Variants in GLS observed in about 807,000 individuals in gnomAD.
The protein encoded by GLS is glutaminase kidney isoform, mitochondrial.
Under a neutral mutation model 86.7 loss-of-function variants are expected in GLS, and 36 were observed. The observed-to-expected ratio is 0.42, with a 90% CI of 0.32 to 0.55. The LOEUF (loss-of-function observed/expected upper bound fraction) is 0.55, where lower values mean the gene tolerates loss of function less well. Among genes scored for constraint, GLS ranks in the 20% least tolerant of loss-of-function variants. GLS has a pLI of 0.17. For missense variants in GLS, 528 were observed against 833.4 expected (o/e 0.63, Z 4.51); for synonymous variants, 317 against 305.9 (o/e 1.04, Z -0.38).
At chr2:190,882,887 TTTAATCTCATC>T (rs1179268278) in intron 1 of GLS, among the ~76,000 whole-genome samples, 4 of 152,224 alleles carry the variant, frequency 2.6e-5, no homozygotes, top group South Asian at 2.1e-4. Flanking sequence ...AGAATGATAA[TTTAATCTCATC>T]TGGGACTCAC....
chr2:190,887,326 T>TCTGACCCC (rs1407944873), intron 1 of GLS, among the ~76,000 whole-genome samples: 3 of 152,150 alleles, frequency 2.0e-5, no homozygotes, highest in Admixed American at 2.0e-4. Context: ...TTAGTGATTT[T>TCTGACCCC]CTGACCCCCT....
chr2:190,882,181 TC>T (rs1688225967), intron 1 of GLS: 1 of 152,098 alleles, frequency 6.6e-6, no homozygotes, highest in South Asian at 2.1e-4. Context: ...TGTCAGGTCT[TC>T]CGTGAGATGG....
At position 190,923,962 on chromosome 2, in the gene GLS, A is replaced by C. The variant is rs1350653930; in HGVS notation, c.1176A>C (p.Gly392=). 1 of 1,514,968 alleles carries C rather than the reference A, an allele frequency of 6.6e-7. No homozygotes were observed. Among genetic ancestry groups the C allele is most frequent in the Admixed American group, 1.8e-5 (1 of 54,862 alleles). 93.8% of individuals were successfully genotyped at this position (1,514,968 alleles called of 1,614,324 possible). A position where few individuals can be genotyped will look rare whatever the true frequency, so the allele number is the denominator to read the frequency against. ...RESGDRNFAI[G]YYLKEKKCFP... is the part of the protein sequence containing the mutation. Reference sequence around the variant, plus strand: ...GTGGAGATCGAAATTTTGCAATAGGATATTACTTAAAAGAAAAGAAGGTTT... The same window carrying C: ...GTGGAGATCGAAATTTTGCAATAGGCTATTACTTAAAAGAAAAGAAGGTTT... Residue 392 remains glycine (G), a synonymous_variant, in exon 10 of 18, where the codon GGA becomes GGC. Coordinates refer to ENST00000320717, the MANE Select transcript of GLS (RefSeq NM_014905.5).
Position 190,949,098 on chromosome 2 carries a change from T to C in GLS, c.1651-4467T>C, listed in dbSNP as rs1347794308. 2.6e-5 allele frequency among the ~76,000 whole-genome samples: 4 copies of C among 151,204 alleles called. No individual in the cohort carries two copies. Among genetic ancestry groups the C allele is most frequent in the Non-Finnish European group, 5.9e-5 (4 of 68,012 alleles). ...AGGAATCTGGGTGTTCTTAAGAGCA[T>C]AGACACCAAGACAAAAACAAGGGCA... is the stretch of plus-strand genomic sequence containing the variant. On this transcript the variant is annotated intron_variant, in intron 14 of 17. Transcript: ENST00000320717. The surrounding 1 kb of genome is among the most constrained non-coding windows in gnomAD (Gnocchi z 4.0).
In GLS at chr2:190,954,867, G is replaced by A. The variant is rs970112344; in HGVS notation, c.1853+49G>A. On this transcript the variant is annotated intron_variant, in intron 17 of 17. Transcript: ENST00000320717. The surrounding 1 kb of genome is among the most constrained non-coding windows in gnomAD (Gnocchi z 4.0). ...AATATGTCAGTATTTTATTATGCAGGACTGTAATATTCAAGTGATGATAAT... is the reference window on the plus strand; with the variant it reads ...AATATGTCAGTATTTTATTATGCAGAACTGTAATATTCAAGTGATGATAAT... The A allele has an allele frequency of 8.4e-6, 10 of 1,187,530 alleles. No homozygotes were observed. Among genetic ancestry groups the A allele is most frequent in the Non-Finnish European group, 1.2e-5 (10 of 821,456 alleles). 73.6% of individuals were successfully genotyped at this position (1,187,530 alleles called of 1,614,324 possible).
chr2:190,903,146 C>T (rs755645880), intron 5 of GLS, among the ~76,000 whole-genome samples: 21 of 152,308 alleles, frequency 1.4e-4, no homozygotes, highest in Middle Eastern at 3.4e-3. Flanking sequence ...GGATTATAGG[C>T]ATGAGCCCCT....
intron 1 of GLS, 157 bp downstream of exon 1, chr2:190,881,627 G>GGCCCGGCCCCGCCCGC: frequency 1.5e-6 from 1 of 663,786 alleles, no homozygotes; most frequent in Non-Finnish European, 2.3e-6. Flanking sequence ...CATGTGATTA[G>GGCCCGGCCCCGCCCGC]GCCCGGCCCC....
chr2:190,930,671 C>A lies in GLS; in HGVS notation c.1557+103C>A. On this transcript the variant is annotated intron_variant, in intron 13 of 17. Coordinates refer to ENST00000320717, the MANE Select transcript of GLS (RefSeq NM_014905.5). This position sits in a 1 kb window ranked among gnomAD's most constrained non-coding sequence, Gnocchi z 5.0. ...CATAGTTCATTAACTCTTGGCCCTC[C>A]GCCTATAGTGTGCCAGTTACTAGGG... 1 of 1,062,744 alleles carries A rather than the reference C, an allele frequency of 9.4e-7. No individual in the cohort carries two copies. The highest frequency in any genetic ancestry group is 1.4e-6 in the Non-Finnish European group (1 of 735,262). 65.8% of individuals were successfully genotyped at this position (1,062,744 alleles called of 1,614,324 possible). A position where few individuals can be genotyped will look rare whatever the true frequency, so the allele number is the denominator to read the frequency against.
rs991517536 is a variant in GLS at position 190,955,733 on chromosome 2, A to G, written c.1853+915A>G. Among the ~76,000 whole-genome samples, 9 of 152,204 alleles carry G rather than the reference A, an allele frequency of 5.9e-5. No individual in the cohort carries two copies. The highest frequency in any genetic ancestry group is 1.3e-4 in the Non-Finnish European group (9 of 68,032). On this transcript the variant is annotated intron_variant, in intron 17 of 17. Transcript: ENST00000320717. This position sits in a 1 kb window ranked among gnomAD's most constrained non-coding sequence, Gnocchi z 5.6. Reference sequence around the variant, plus strand: ...TCTTCCACAATGGTTGAACTAATTTACACTCCCACTAACAGTGTAAAAGCG... The same window carrying G: ...TCTTCCACAATGGTTGAACTAATTTGCACTCCCACTAACAGTGTAAAAGCG...
intron 1 of GLS, among the ~76,000 whole-genome samples, chr2:190,889,990 A>G (rs1172143775): frequency 1.3e-5 from 2 of 152,138 alleles, no homozygotes; most frequent in Non-Finnish European, 2.9e-5. Flanking sequence ...TACAGATATT[A>G]TTCCTAAAAT....
chr2:190,934,220 A>C, intron 14 of GLS: 1 of 964,390 alleles, frequency 1.0e-6, no homozygotes, highest in South Asian at 4.8e-5. Context: ...AGTCTGTAAA[A>C]GTAAATATAG....
chr2:190,915,772 A>G (rs73054718), intron 7 of GLS, among the ~76,000 whole-genome samples: 10,222 of 152,268 alleles, frequency 0.067, 1,112 homozygotes, highest in African/African-American at 0.23. Flanking sequence ...AAAAGAGGAC[A>G]TTTTGAAATA....
chr2:190,892,470 A>G (rs1174207709), intron 1 of GLS, among the ~76,000 whole-genome samples: 1 of 152,188 alleles, frequency 6.6e-6, no homozygotes, highest in Non-Finnish European at 1.5e-5. Context: ...CTATAATCCT[A>G]TTTGTCATTA....
At chr2:190,902,890 A>G (rs1472968029) in intron 5 of GLS, among the ~76,000 whole-genome samples, 1 of 152,192 alleles carries the variant, frequency 6.6e-6, no homozygotes, top group African/African-American at 2.4e-5. Flanking sequence ...TAGAACTTAC[A>G]TAAGATGTAC....
chr2:190,909,685 C>T (rs1689289624), intron 6 of GLS, among the ~76,000 whole-genome samples: 1 of 152,108 alleles, frequency 6.6e-6, no homozygotes, highest in Non-Finnish European at 1.5e-5. Context: ...TTTTAAGTAA[C>T]TTTAAAATTA....
intron 6 of GLS, among the ~76,000 whole-genome samples, chr2:190,907,682 C>A (rs1050328272): frequency 1.3e-5 from 2 of 152,184 alleles, no homozygotes; most frequent in African/African-American, 4.8e-5. Flanking sequence ...CTACCATCTC[C>A]CAGGGAAGTC....
At position 190,913,732 on chromosome 2, in the gene GLS, C is replaced by T. The variant is rs1046748900; in HGVS notation, c.1038+3411C>T. The stretch of plus-strand genomic sequence containing the variant: ...AACATACTGCAAAATAATTGCCACA[C>T]TTAATGCTTTTTCATGTTAGAAATA... On this transcript the variant is annotated intron_variant, in intron 7 of 17. Coordinates refer to ENST00000320717, the MANE Select transcript of GLS (RefSeq NM_014905.5). The surrounding 1 kb of genome is among the most constrained non-coding windows in gnomAD (Gnocchi z 6.1). 1.0e-6 allele frequency: 1 copy of T among 974,392 alleles called. No individual in the cohort carries two copies. The highest frequency in any genetic ancestry group is 4.7e-5 in the South Asian group (1 of 21,066). 60.4% of individuals were successfully genotyped at this position (974,392 alleles called of 1,614,324 possible).
intron 14 of GLS, among the ~76,000 whole-genome samples, chr2:190,931,957 T>TA (rs953360734): frequency 9.9e-5 from 15 of 151,954 alleles, no homozygotes; most frequent in South Asian, 4.1e-4. Context: ...TTGATTCTGT[T>TA]AAAAAAAGAA....
chr2:190,888,052 T>C (rs1014068456), intron 1 of GLS, among the ~76,000 whole-genome samples: 13 of 152,318 alleles, frequency 8.5e-5, no homozygotes, highest in African/African-American at 3.1e-4. Flanking sequence ...CTCCTTTTGT[T>C]ACTTTTAAGA....
Sources: allele counts gnomAD v4.1 joint callset (sites outside exome capture counted in the v4.1 genomes callset), GRCh38; gene constraint gnomAD v4.1.1; non-coding constraint Gnocchi (gnomAD v3.1); transcripts MANE v1.5; gene names NCBI Gene and HGNC (gene_info 2026-07-23, HGNC 2026-07-21).